The following ARB2A variants were observed in gnomAD, a reference collection of about 807,000 sequenced individuals.
The protein encoded by ARB2A is cotranscriptional regulator ARB2A.
At chr5:93,687,506 CAATT>C in the ARB2A span, among the ~76,000 whole-genome samples, 1 of 151,972 alleles carries the variant, frequency 6.6e-6, no homozygotes, top group Admixed American at 6.6e-5. Context: ...GTGGCATAGT[CAATT>C]AATTAAATGC....
the ARB2A span, among the ~76,000 whole-genome samples, chr5:93,794,830 T>A: frequency 2.0e-5 from 3 of 152,168 alleles, no homozygotes; most frequent in African/African-American, 7.2e-5. Flanking sequence ...GGGAGTGAAG[T>A]GGACTCTGTG....
At chr5:93,949,953 A>T in the ARB2A span, among the ~76,000 whole-genome samples, 1 of 152,188 alleles carries the variant, frequency 6.6e-6, no homozygotes, top group Non-Finnish European at 1.5e-5. Context: ...AATAAGTGAG[A>T]ACATGTGAAG....
the ARB2A span, among the ~76,000 whole-genome samples, chr5:93,772,563 T>C: frequency 1.3e-5 from 2 of 152,320 alleles, no homozygotes; most frequent in East Asian, 1.9e-4. Flanking sequence ...TAAAACAATA[T>C]ACATTTATCA....
At chr5:93,657,331 T>G in the ARB2A span, among the ~76,000 whole-genome samples, 1 of 152,212 alleles carries the variant, frequency 6.6e-6, no homozygotes, top group African/African-American at 2.4e-5. Flanking sequence ...CTAATGCTAG[T>G]AAGCAAGCTG....
the ARB2A span, among the ~76,000 whole-genome samples, chr5:94,054,742 T>A: frequency 1.3e-5 from 2 of 152,236 alleles, no homozygotes; most frequent in Non-Finnish European, 2.9e-5. Context: ...AATATATTAT[T>A]GGAATTATTC....
At chr5:93,666,665 A>G in the ARB2A span, among the ~76,000 whole-genome samples, 1 of 152,186 alleles carries the variant, frequency 6.6e-6, no homozygotes, top group Non-Finnish European at 1.5e-5. Context: ...CCAAATCAAT[A>G]AAATTAATTT....
chr5:93,734,468 T>A, the ARB2A span: 1 of 152,220 alleles, frequency 6.6e-6, no homozygotes, highest in African/African-American at 2.4e-5. Flanking sequence ...ATGAAGGCTA[T>A]GAACCATCTT....
chr5:93,967,530 A>T, the ARB2A span, among the ~76,000 whole-genome samples: 1 of 152,086 alleles, frequency 6.6e-6, no homozygotes, highest in African/African-American at 2.4e-5. Context: ...AACACTTCAA[A>T]CTGCAACGGA....
chr5:94,088,000 T>TGA, the ARB2A span, among the ~76,000 whole-genome samples: 1 of 152,238 alleles, frequency 6.6e-6, no homozygotes, highest in African/African-American at 2.4e-5. Flanking sequence ...AAGTGACTCA[T>TGA]GACCATACTA....
chr5:93,985,704 C>T, the ARB2A span, among the ~76,000 whole-genome samples: 3 of 152,204 alleles, frequency 2.0e-5, no homozygotes, highest in Admixed American at 6.5e-5. Flanking sequence ...GGATTGCAGA[C>T]GGAGTCTCGC....
the ARB2A span, among the ~76,000 whole-genome samples, chr5:94,015,684 GTTTA>G: frequency 0.015 from 2,219 of 152,086 alleles, 56 homozygotes; most frequent in African/African-American, 0.05. Flanking sequence ...ATGAAGAATT[GTTTA>G]TTTATTTTCC....
the ARB2A span, among the ~76,000 whole-genome samples, chr5:94,099,275 C>G: frequency 7.9e-5 from 12 of 152,054 alleles, no homozygotes; most frequent in African/African-American, 2.9e-4. Context: ...AAAGCTAATC[C>G]ACCATGATAA....
At chr5:93,656,542 G>A in the ARB2A span, among the ~76,000 whole-genome samples, 1 of 152,122 alleles carries the variant, frequency 6.6e-6, no homozygotes, top group East Asian at 1.9e-4. Flanking sequence ...CTATTCCATG[G>A]AAATAATTTT....
chr5:93,702,368 C>T, the ARB2A span, among the ~76,000 whole-genome samples: 1 of 152,128 alleles, frequency 6.6e-6, no homozygotes, highest in African/African-American at 2.4e-5. Flanking sequence ...AAACATACCA[C>T]TGGGCCCCAT....
At chr5:93,655,781 T>C in the ARB2A span, among the ~76,000 whole-genome samples, 6 of 152,144 alleles carry the variant, frequency 3.9e-5, no homozygotes, top group South Asian at 1.2e-3. Context: ...CCTCAAAGTA[T>C]GAAAAAAATG....
At chr5:93,648,378 C>T in the ARB2A span, among the ~76,000 whole-genome samples, 1 of 151,950 alleles carries the variant, frequency 6.6e-6, no homozygotes, top group Admixed American at 6.6e-5. Flanking sequence ...ACATATCTAC[C>T]ACTGAATGAT....
chr5:93,763,618 G>A, the ARB2A span, among the ~76,000 whole-genome samples: 41 of 152,244 alleles, frequency 2.7e-4, 1 homozygote, highest in African/African-American at 9.1e-4. Context: ...ACACCCCACT[G>A]TCAACATTAG....
chr5:93,798,539 G>A, the ARB2A span, among the ~76,000 whole-genome samples: 1 of 152,012 alleles, frequency 6.6e-6, no homozygotes, highest in Non-Finnish European at 1.5e-5. Context: ...GTAACATCAT[G>A]GTTTACTGAA....
the ARB2A span, among the ~76,000 whole-genome samples, chr5:93,672,987 T>C: frequency 6.6e-6 from 1 of 152,198 alleles, no homozygotes; most frequent in Non-Finnish European, 1.5e-5. Flanking sequence ...AACTTCATTT[T>C]GTTCACTAAT....
Sources: gnomAD v4.1 joint callset for allele counts (sites outside exome capture counted in the v4.1 genomes callset) on GRCh38, gnomAD v4.1.1 for gene constraint, MANE v1.5 for transcripts, NCBI Gene and HGNC (gene_info 2026-07-23, HGNC 2026-07-21) for gene names.